GABRB3: variants seen among roughly 807,000 people sequenced by gnomAD.
GABRB3 encodes the protein gamma-aminobutyric acid type A receptor subunit beta3, also known as gamma-aminobutyric acid receptor subunit beta-3.
Under a neutral mutation model 52.1 loss-of-function variants are expected in GABRB3, and 14 were observed. The observed-to-expected ratio is 0.27, with a 90% CI of 0.18 to 0.42. The LOEUF (loss-of-function observed/expected upper bound fraction) is 0.42. Ranked by LOEUF, GABRB3 falls within the 10% of genes least tolerant of loss-of-function variation. The pLI is 1.00. For synonymous variants in GABRB3, 260 were observed against 232.3 expected, an observed-to-expected ratio of 1.12 and a Z score of -1.08; for missense variants, 307 against 609.1, an observed-to-expected ratio of 0.50 and a Z score of 5.22.
intron 7 of GABRB3, 54 bp from the exon 8 acceptor site, chr15:26,561,230 C>G: frequency 5.6e-6 from 9 of 1,607,970 alleles, no homozygotes; most frequent in East Asian, 2.2e-5. Context: ...TTGGTCTTCA[C>G]TTTTCACTTT....
chr15:26,628,962 G>C, intron 3 of GABRB3: 1 of 1,535,946 alleles, frequency 6.5e-7, no homozygotes, highest in Non-Finnish European at 8.7e-7. Flanking sequence ...GAGAGCCCGC[G>C]TCCCCGACTT....
At chr15:26,752,755 G>A (rs938630664) in intron 3 of GABRB3, among the ~76,000 whole-genome samples, 1 of 151,872 alleles carries the variant, frequency 6.6e-6, no homozygotes, top group African/African-American at 2.4e-5. Context: ...TCCCCTCTTG[G>A]CAATTTTCAC....
intron 3 of GABRB3, among the ~76,000 whole-genome samples, chr15:26,764,181 T>A (rs28412559): frequency 0.033 from 149 of 4,500 alleles, 5 homozygotes; most frequent in African/African-American, 0.084. Flanking sequence ...AAAAAAAAAA[T>A]ATATATATAT....
At chr15:26,615,862 G>A in intron 4 of GABRB3, 1 of 1,238,348 alleles carries the variant, frequency 8.1e-7, no homozygotes, top group Non-Finnish European at 1.0e-6. Context: ...AGGTCTCAGT[G>A]ATACAGCCAG....
chr15:26,746,022 CA>C (rs1473189859), intron 3 of GABRB3, among the ~76,000 whole-genome samples: 1 of 152,132 alleles, frequency 6.6e-6, no homozygotes. Context: ...AAGAAACTGC[CA>C]ACTTATTTTC....
At chr15:26,571,651 T>C (rs1399369275) in intron 6 of GABRB3, among the ~76,000 whole-genome samples, 1 of 152,134 alleles carries the variant, frequency 6.6e-6, no homozygotes, top group Non-Finnish European at 1.5e-5. Flanking sequence ...TTAGGGACCT[T>C]GAAGAAGAGA....
At chr15:26,684,040 T>C (rs1206973528) in intron 3 of GABRB3, among the ~76,000 whole-genome samples, 1 of 151,836 alleles carries the variant, frequency 6.6e-6, no homozygotes, top group African/African-American at 2.4e-5. Context: ...TTGAGTGAGA[T>C]TTAGGCATAA....
intron 4 of GABRB3, among the ~76,000 whole-genome samples, chr15:26,611,048 C>T (rs529015997): frequency 6.6e-6 from 1 of 152,218 alleles, no homozygotes; most frequent in East Asian, 1.9e-4. Flanking sequence ...GCAAAAATAC[C>T]CATGTATTTA....
intron 3 of GABRB3, among the ~76,000 whole-genome samples, chr15:26,755,035 C>T (rs1425677781): frequency 2.8e-5 from 4 of 145,394 alleles, no homozygotes; most frequent in Non-Finnish European, 6.0e-5. Context: ...GACGGAGTCT[C>T]GCTCTGTCAC....
At chr15:26,631,371 G>A (rs1373704864) in intron 3 of GABRB3, among the ~76,000 whole-genome samples, 4 of 152,210 alleles carry the variant, frequency 2.6e-5, no homozygotes, top group Non-Finnish European at 5.9e-5. Flanking sequence ...ATTTGAAAGC[G>A]GAAATATTGC....
At chr15:26,722,907 T>C (rs1233652037) in intron 3 of GABRB3, among the ~76,000 whole-genome samples, 3 of 152,182 alleles carry the variant, frequency 2.0e-5, no homozygotes, top group African/African-American at 7.2e-5. Context: ...TGCCCACTGC[T>C]TTGCCTCAGG....
rs561551676 is a variant in GABRB3, at chr15:26,758,635, C to T, written c.240+13767G>A. Among the ~76,000 whole-genome samples the T allele has an allele frequency of 2.6e-5, 4 of 152,216 alleles. No individual in the cohort carries two copies. The South Asian group carries it at 6.2e-4, about 24-fold the overall frequency. ...ATCTCAACAAACCAACCAATGCCCA[C>T]GATCTATACCCACCCACCAATTCTC... On this transcript the variant is annotated intron_variant, in intron 3 of 8. Coordinates refer to ENST00000311550, the MANE Select transcript of GABRB3 (RefSeq NM_000814.6).
chr15:26,561,069 C>T lies in GABRB3; in HGVS notation c.943G>A (p.Val315Ile), dbSNP rs1889964397. The T allele has an allele frequency of 6.2e-7, 1 of 1,614,088 alleles. No individual in the cohort carries two copies. The highest frequency in any genetic ancestry group is 8.5e-7 in the Non-Finnish European group (1 of 1,180,028). Residue 315 changes from valine (V) to isoleucine (I), a missense_variant, in exon 8 of 9, where the codon GTC becomes ATC. Val to Ile is a conservative substitution (Grantham distance 29, BLOSUM62 3). Coordinates refer to ENST00000311550, the MANE Select transcript of GABRB3 (RefSeq NM_000814.6). ...AIDMYLMGCF[V>I]FVFLALLEYA... is the part of the protein sequence containing the mutation. ...TCCAGAAGGGCCAGGAACACAAAGA[C>T]GAAGCAGCCCATAAGGTACATGTCA... is the stretch of plus-strand genomic sequence containing the variant.
chr15:26,637,454 G>T (rs181701085), intron 3 of GABRB3, among the ~76,000 whole-genome samples: 1 of 152,202 alleles, frequency 6.6e-6, no homozygotes, highest in Non-Finnish European at 1.5e-5. Flanking sequence ...CATGAGTGCA[G>T]GAAATTCTTT....
At chr15:26,609,317 C>T (rs1164570649) in intron 4 of GABRB3, among the ~76,000 whole-genome samples, 1 of 151,954 alleles carries the variant, frequency 6.6e-6, no homozygotes, top group African/African-American at 2.4e-5. Context: ...ACAGTGGTTA[C>T]AGAGAATGGA....
chr15:26,645,541 A>T (rs576126390), intron 3 of GABRB3, among the ~76,000 whole-genome samples: 1 of 152,298 alleles, frequency 6.6e-6, no homozygotes, highest in East Asian at 1.9e-4. Flanking sequence ...GAGCAACCCT[A>T]ACTCAAGCCA....
chr15:26,742,757 C>T (rs1200893966), intron 3 of GABRB3, among the ~76,000 whole-genome samples: 1 of 152,064 alleles, frequency 6.6e-6, no homozygotes, highest in African/African-American at 2.4e-5. Context: ...TCTTTTTCTC[C>T]CAAACTTTGT....
intron 3 of GABRB3, among the ~76,000 whole-genome samples, chr15:26,753,971 C>T (rs930671348): frequency 4.6e-5 from 7 of 151,888 alleles, no homozygotes; most frequent in African/African-American, 1.5e-4. Context: ...GTGGTGAAGA[C>T]GATGAAGATA....
At chr15:26,550,822 G>GA (rs770908852) in intron 8 of GABRB3, among the ~76,000 whole-genome samples, 44 of 152,310 alleles carry the variant, frequency 2.9e-4, no homozygotes, top group Admixed American at 1.8e-3. Context: ...TGGCCTAACA[G>GA]AATCATGAGA....
Sources: allele counts gnomAD v4.1 joint callset (sites outside exome capture counted in the v4.1 genomes callset), GRCh38; gene constraint gnomAD v4.1.1; transcripts MANE v1.5; gene names NCBI Gene and HGNC (gene_info 2026-07-23, HGNC 2026-07-21).